Variants in NDUFAF2 observed in about 807,000 individuals in gnomAD.
NDUFAF2 encodes NADH dehydrogenase [ubiquinone] 1 alpha subcomplex assembly factor 2.
In NDUFAF2, 13 loss-of-function variants were observed where a neutral mutation model predicts 22.8. That is an observed-to-expected ratio of 0.57 (90% CI 0.37 to 0.91). The LOEUF is 0.91. Ranked by LOEUF, NDUFAF2 falls within the 40% of genes least tolerant of loss-of-function variation. The probability of loss-of-function intolerance (pLI) is 0.01; values close to 1 mark genes in which losing one functional copy is unlikely to be tolerated. For missense variants in NDUFAF2, 162 were observed against 195.2 expected, an observed-to-expected ratio of 0.83 and a Z score of 1.01; for synonymous variants, 53 against 64.2, an observed-to-expected ratio of 0.83 and a Z score of 0.84.
At chr5:61,112,222 T>C (rs1752853533) in intron 3 of NDUFAF2, among the ~76,000 whole-genome samples, 2 of 148,918 alleles carry the variant, frequency 1.3e-5, no homozygotes, top group African/African-American at 4.9e-5. Flanking sequence ...CCCCCCCCTT[T>C]TTTTTTTTTT....
In NDUFAF2 at chr5:61,071,383, G is replaced by C. The variant is rs146451144; in HGVS notation, c.128-1742G>C. Reference sequence around the variant, plus strand: ...CTTAAGATTTATTAGCCATTAATGGGTTGTCTATGAACTCCCAGCCTTTCA... The same window carrying C: ...CTTAAGATTTATTAGCCATTAATGGCTTGTCTATGAACTCCCAGCCTTTCA... On this transcript the variant is annotated intron_variant, in intron 1 of 3. Coordinates refer to ENST00000296597, the MANE Select transcript of NDUFAF2 (RefSeq NM_174889.5). 7.5e-3 allele frequency among the ~76,000 whole-genome samples: 1,144 copies of C among 152,266 alleles called. 14 individuals carry two copies. Among genetic ancestry groups the C allele is most frequent in the African/African-American group, 0.026 (1,064 of 41,550 alleles).
Position 61,037,240 on chromosome 5 carries a change from T to A in NDUFAF2, c.128-35885T>A, listed in dbSNP as rs990591202. ...GGTATCATTCAAAAAAAGAAGAGAT[T>A]CATATGCACACAAATTGTTAGGGAA... On this transcript the variant is annotated intron_variant, in intron 1 of 3. Transcript: ENST00000296597. Among the ~76,000 whole-genome samples the A allele has an allele frequency of 9.2e-5, 14 of 152,122 alleles. 1 individual carries two copies. The highest frequency in any genetic ancestry group is 9.2e-4 in the Admixed American group (14 of 15,262).
intron 3 of NDUFAF2, among the ~76,000 whole-genome samples, chr5:61,146,735 T>C (rs547049801): frequency 6.6e-6 from 1 of 152,292 alleles, no homozygotes; most frequent in South Asian, 2.1e-4. Context: ...TATTTAGTCA[T>C]TATTTTCTCT....
chr5:61,132,870 C>T (rs527736849), intron 3 of NDUFAF2, among the ~76,000 whole-genome samples: 1 of 152,080 alleles, frequency 6.6e-6, no homozygotes, highest in Non-Finnish European at 1.5e-5. Context: ...CACAAGGTCA[C>T]ATTTTCCAAA....
chr5:61,137,898 A>G (rs998549187), intron 3 of NDUFAF2, among the ~76,000 whole-genome samples: 2 of 152,374 alleles, frequency 1.3e-5, no homozygotes, highest in Non-Finnish European at 2.9e-5. Context: ...GAAGCTCTGG[A>G]GCAAGTATTG....
chr5:61,109,995 AC>A (rs1752818271), intron 3 of NDUFAF2, among the ~76,000 whole-genome samples: 1 of 152,088 alleles, frequency 6.6e-6, no homozygotes, highest in Non-Finnish European at 1.5e-5. Context: ...TTCCTTCTAT[AC>A]TCAGTGTGTT....
intron 1 of NDUFAF2, among the ~76,000 whole-genome samples, chr5:61,020,774 T>C (rs1197860571): frequency 6.6e-6 from 1 of 152,076 alleles, no homozygotes; most frequent in East Asian, 1.9e-4. Context: ...CACTGCTCAC[T>C]GCAACCTCTG....
In NDUFAF2 at chr5:61,014,085, G is replaced by C. The variant is rs188973181; in HGVS notation, c.128-59040G>C. ...GCTGGTGGCAAGTGTCCCCTAGATAGTTTAAGAATGGGGCTGGTCCCCAGA... is the reference window on the plus strand; with the variant it reads ...GCTGGTGGCAAGTGTCCCCTAGATACTTTAAGAATGGGGCTGGTCCCCAGA... On this transcript the variant is annotated intron_variant, in intron 1 of 3. Coordinates refer to ENST00000296597, the MANE Select transcript of NDUFAF2 (RefSeq NM_174889.5). Among the ~76,000 whole-genome samples, 3 of 152,322 alleles carry C rather than the reference G, an allele frequency of 2.0e-5. No homozygotes were observed. In the East Asian group the frequency reaches 5.8e-4, roughly 29 times the overall value.
intron 3 of NDUFAF2, among the ~76,000 whole-genome samples, chr5:61,141,664 AAATGAATGAATGAATG>A (rs70977828): frequency 1.3e-5 from 2 of 151,054 alleles, no homozygotes; most frequent in African/African-American, 4.9e-5. Flanking sequence ...AGTATATATT[AAATGAATGAATGAATG>A]AATGAATGAA....
chr5:60,992,593 G>C (rs1751175410), intron 1 of NDUFAF2, among the ~76,000 whole-genome samples: 3 of 152,014 alleles, frequency 2.0e-5, no homozygotes, highest in Admixed American at 2.0e-4. Context: ...ATAATATTCT[G>C]TGTTTTTCTG....
intron 1 of NDUFAF2, among the ~76,000 whole-genome samples, chr5:60,960,373 T>A (rs1750668541): frequency 6.6e-6 from 1 of 152,204 alleles, no homozygotes; most frequent in Non-Finnish European, 1.5e-5. Context: ...AAATAATATG[T>A]CTAGTGTTGA....
Position 61,113,229 on chromosome 5 carries a change from T to G in NDUFAF2, c.258+14197T>G, listed in dbSNP as rs1440226501. On this transcript the variant is annotated intron_variant, in intron 3 of 3. Coordinates refer to ENST00000296597, the MANE Select transcript of NDUFAF2 (RefSeq NM_174889.5). ...TTTACAATATTCTATATTATTCTGT[T>G]TATTTACTATTACTAGTGAGTTTGT... Among the ~76,000 whole-genome samples, 4 of 152,190 alleles carry G rather than the reference T, an allele frequency of 2.6e-5. No individual in the cohort carries two copies. In the South Asian group the frequency reaches 6.2e-4, roughly 24 times the overall value.
At chr5:60,946,863 A>G (rs1271994056) in intron 1 of NDUFAF2, among the ~76,000 whole-genome samples, 2 of 152,208 alleles carry the variant, frequency 1.3e-5, no homozygotes, top group Non-Finnish European at 2.9e-5. Flanking sequence ...TGTCTTTTCT[A>G]GAATATCATA....
chr5:61,126,015 T>C (rs1753031881), intron 3 of NDUFAF2, among the ~76,000 whole-genome samples: 1 of 152,010 alleles, frequency 6.6e-6, no homozygotes, highest in South Asian at 2.1e-4. Flanking sequence ...AAAGGAAAGA[T>C]CCATTTCTGA....
chr5:60,951,034 A>T (rs976465912), intron 1 of NDUFAF2, among the ~76,000 whole-genome samples: 12 of 151,056 alleles, frequency 7.9e-5, no homozygotes, highest in African/African-American at 2.9e-4. Flanking sequence ...CTTTTTATTT[A>T]TTTATTTATT....
intron 3 of NDUFAF2, among the ~76,000 whole-genome samples, chr5:61,113,540 G>T (rs191739106): frequency 6.6e-6 from 1 of 152,090 alleles, no homozygotes; most frequent in East Asian, 1.9e-4. Flanking sequence ...TGCATCATAG[G>T]GGTGGTTACC....
At chr5:61,041,384 A>T (rs911452983) in intron 1 of NDUFAF2, among the ~76,000 whole-genome samples, 1 of 152,144 alleles carries the variant, frequency 6.6e-6, no homozygotes, top group Non-Finnish European at 1.5e-5. Flanking sequence ...ACTAATGACT[A>T]TTTGAGGTGG....
chr5:61,113,686 T>C (rs1365982199), intron 3 of NDUFAF2, among the ~76,000 whole-genome samples: 1 of 152,200 alleles, frequency 6.6e-6, no homozygotes, highest in Admixed American at 6.5e-5. Context: ...TCCGGCATGA[T>C]TGTAAGTTTT....
chr5:60,970,539 A>T (rs909832334), intron 1 of NDUFAF2, among the ~76,000 whole-genome samples: 3 of 152,150 alleles, frequency 2.0e-5, no homozygotes, highest in Admixed American at 2.0e-4. Flanking sequence ...TGATTTTTGT[A>T]TGTTGATTCT....
Sources: allele counts gnomAD v4.1 joint callset (sites outside exome capture counted in the v4.1 genomes callset), GRCh38; gene constraint gnomAD v4.1.1; transcripts MANE v1.5; gene names NCBI Gene and HGNC (gene_info 2026-07-23, HGNC 2026-07-21).